The following AGAP1 variants were observed in gnomAD, a reference collection of about 807,000 sequenced individuals.
The protein encoded by AGAP1 is arf-GAP with GTPase, ANK repeat and PH domain-containing protein 1.
A neutral mutation model predicts 105.3 loss-of-function variants in AGAP1; 29 were observed. The ratio of observed to expected loss-of-function variants is 0.28; its 90% CI spans 0.21 to 0.38. The LOEUF (loss-of-function observed/expected upper bound fraction) is 0.38. Ranked by LOEUF, AGAP1 falls within the 10% of genes least tolerant of loss-of-function variation. The pLI is 1.00. For missense variants in AGAP1, 998 were observed against 1,165.1 expected (o/e 0.86, Z 2.09); for synonymous variants, 509 against 485.9 (o/e 1.05, Z -0.63).
At chr2:235,579,296 C>G (rs113953382) in intron 1 of AGAP1, among the ~76,000 whole-genome samples, 1 of 152,152 alleles carries the variant, frequency 6.6e-6, no homozygotes, top group African/African-American at 2.4e-5. Context: ...CCTGGTGTGA[C>G]GTAACCTTTC....
At chr2:235,914,366 A>T (rs1306160863) in intron 11 of AGAP1, among the ~76,000 whole-genome samples, 1 of 151,930 alleles carries the variant, frequency 6.6e-6, no homozygotes, top group Non-Finnish European at 1.5e-5. Flanking sequence ...TGGGGGGAGG[A>T]CAAGACGTCT....
Position 235,843,375 on chromosome 2 carries a change from A to G in AGAP1, c.1050+36044A>G, listed in dbSNP as rs1251004292. ...CCTTTCTCTTCCTTTCTTTGAGTTC[A>G]TTTCAGAATTCCTCCTCGGTGTCTG... On this transcript the variant is annotated intron_variant, in intron 9 of 17. Coordinates refer to ENST00000304032, the MANE Select transcript of AGAP1 (RefSeq NM_001037131.3). This position sits in a 1 kb window ranked among gnomAD's most constrained non-coding sequence, Gnocchi z 5.9. Among the ~76,000 whole-genome samples the G allele has an allele frequency of 6.6e-6, 1 of 151,380 alleles. No individual in the cohort carries two copies.
Position 235,660,326 on chromosome 2 carries a change from A to C in AGAP1, c.164-48853A>C, listed in dbSNP as rs1947907001. Among the ~76,000 whole-genome samples the C allele has an allele frequency of 6.6e-6, 1 of 152,190 alleles. No homozygotes were observed. The highest frequency in any genetic ancestry group is 1.5e-5 in the Non-Finnish European group (1 of 68,018). On this transcript the variant is annotated intron_variant, in intron 1 of 17. Coordinates refer to ENST00000304032, the MANE Select transcript of AGAP1 (RefSeq NM_001037131.3). This position sits in a 1 kb window ranked among gnomAD's most constrained non-coding sequence, Gnocchi z 5.3. ...GGGTAAATGGGCTTCCTGGGGGTTT[A>C]GTACAAGTTGACCAACCTTCTTGTT... is the stretch of plus-strand genomic sequence containing the variant.
chr2:235,548,136 G>C (rs1158093656), intron 1 of AGAP1, among the ~76,000 whole-genome samples: 1 of 152,216 alleles, frequency 6.6e-6, no homozygotes, highest in Non-Finnish European at 1.5e-5. Flanking sequence ...TTGCTCTGCT[G>C]TTCCTGTCCT....
At chr2:235,523,045 T>C (rs1369715620) in intron 1 of AGAP1, among the ~76,000 whole-genome samples, 1 of 152,112 alleles carries the variant, frequency 6.6e-6, no homozygotes, top group Non-Finnish European at 1.5e-5. Flanking sequence ...GAGTCCAAGA[T>C]GAGGGAGCCA....
chr2:235,911,915 G>A (rs1356380589), intron 11 of AGAP1, among the ~76,000 whole-genome samples: 6 of 152,254 alleles, frequency 3.9e-5, no homozygotes, highest in African/African-American at 1.2e-4. Flanking sequence ...TAGCACAGAG[G>A]CGTTGCCACT....
At chr2:235,515,803 G>T (rs1167431094) in intron 1 of AGAP1, among the ~76,000 whole-genome samples, 1 of 152,156 alleles carries the variant, frequency 6.6e-6, no homozygotes, top group Non-Finnish European at 1.5e-5. Flanking sequence ...CTTGCAAATA[G>T]TAAGGAAATT....
At chr2:235,925,754 C>A (rs767110001) in intron 11 of AGAP1, among the ~76,000 whole-genome samples, 7 of 152,110 alleles carry the variant, frequency 4.6e-5, no homozygotes, top group Non-Finnish European at 8.8e-5. Context: ...GGGTATGAGG[C>A]CTCCACCTCG....
chr2:236,106,036 C>T (rs1327178395), intron 16 of AGAP1, among the ~76,000 whole-genome samples: 1 of 152,202 alleles, frequency 6.6e-6, no homozygotes, highest in African/African-American at 2.4e-5. Flanking sequence ...TTCCGGAGCA[C>T]ACACACACCA....
chr2:235,720,300 A>G lies in AGAP1; in HGVS notation c.310+2656A>G, dbSNP rs188820203. Among the ~76,000 whole-genome samples, 328 of 152,062 alleles carry G rather than the reference A, an allele frequency of 2.2e-3. 7 individuals carry two copies. Among genetic ancestry groups the G allele is most frequent in the Admixed American group, 0.021 (328 of 15,300 alleles). The stretch of plus-strand genomic sequence containing the variant: ...TTTGCTTAATTGAGAAGCTTTAGGT[A>G]TAGAGTGTTGTGGGTTTGGGATATA... On this transcript the variant is annotated intron_variant, in intron 3 of 17. Transcript: ENST00000304032. The surrounding 1 kb of genome is among the most constrained non-coding windows in gnomAD (Gnocchi z 5.0).
intron 9 of AGAP1, among the ~76,000 whole-genome samples, chr2:235,862,222 C>T (rs2048956009): frequency 6.6e-6 from 1 of 152,142 alleles, no homozygotes; most frequent in Non-Finnish European, 1.5e-5. Flanking sequence ...ACTTTGTTTT[C>T]CAGAAGCACA....
chr2:235,998,214 C>G (rs531635405), intron 13 of AGAP1, among the ~76,000 whole-genome samples: 2 of 152,174 alleles, frequency 1.3e-5, no homozygotes, highest in South Asian at 4.2e-4. Flanking sequence ...AACTGACTTA[C>G]CCTGATGCTG....
In AGAP1 at chr2:236,056,197, G is replaced by C. The variant is rs1238364404; in HGVS notation, c.2114+6916G>C. On this transcript the variant is annotated intron_variant, in intron 16 of 17. Transcript: ENST00000304032. The surrounding 1 kb of genome is among the most constrained non-coding windows in gnomAD (Gnocchi z 4.6). ...TGCTTTTTCAAGGATAACTATACTTGCATTTGCCTTTGAACCAGACAGACA... is the reference window on the plus strand; with the variant it reads ...TGCTTTTTCAAGGATAACTATACTTCCATTTGCCTTTGAACCAGACAGACA... Among the ~76,000 whole-genome samples, 1 of 152,130 alleles carries C rather than the reference G, an allele frequency of 6.6e-6. No individual in the cohort carries two copies. Among genetic ancestry groups the C allele is most frequent in the African/African-American group, 2.4e-5 (1 of 41,424 alleles).
intron 1 of AGAP1, among the ~76,000 whole-genome samples, chr2:235,686,666 T>TATATATATA (rs1222184438): frequency 3.3e-5 from 2 of 60,488 alleles, no homozygotes; most frequent in African/African-American, 2.3e-4. Context: ...TATATATATA[T>TATATATATA]TTTTTTTTTT....
intron 9 of AGAP1, among the ~76,000 whole-genome samples, chr2:235,812,866 T>G (rs914496663): frequency 6.6e-6 from 1 of 152,208 alleles, no homozygotes; most frequent in African/African-American, 2.4e-5. Flanking sequence ...GCAAATCAGC[T>G]CTGCCTGGGC....
chr2:235,791,874 G>T (rs967285114), intron 6 of AGAP1, among the ~76,000 whole-genome samples: 1 of 152,212 alleles, frequency 6.6e-6, no homozygotes, highest in Non-Finnish European at 1.5e-5. Flanking sequence ...GAAATGTGAA[G>T]TAAGTGTCAC....
intron 17 of AGAP1, among the ~76,000 whole-genome samples, chr2:236,122,115 G>A (rs1400228215): frequency 1.3e-5 from 2 of 151,900 alleles, no homozygotes; most frequent in African/African-American, 4.8e-5. Flanking sequence ...CCCATGAATG[G>A]CAGTTTTTAA....
intron 1 of AGAP1, among the ~76,000 whole-genome samples, chr2:235,541,677 C>T (rs1167247591): frequency 1.3e-5 from 2 of 152,168 alleles, no homozygotes; most frequent in Non-Finnish European, 2.9e-5. Flanking sequence ...GCGTGAGCCA[C>T]CGTGCCCGGC....
At chr2:235,594,413 G>A (rs757521294) in intron 1 of AGAP1, among the ~76,000 whole-genome samples, 1 of 151,688 alleles carries the variant, frequency 6.6e-6, no homozygotes, top group Non-Finnish European at 1.5e-5. Context: ...ATAACTTTCT[G>A]TCTCTTGCTG....
Sources: gnomAD v4.1 joint callset for allele counts (sites outside exome capture counted in the v4.1 genomes callset) on GRCh38, gnomAD v4.1.1 for gene constraint, Gnocchi (gnomAD v3.1) non-coding constraint, MANE v1.5 for transcripts, NCBI Gene and HGNC (gene_info 2026-07-23, HGNC 2026-07-21) for gene names.